The following ALMS1 variants were observed in gnomAD, a reference collection of about 807,000 sequenced individuals.
ALMS1 encodes the protein centrosome-associated protein ALMS1.
A neutral mutation model predicts 352.2 loss-of-function variants in ALMS1; 271 were observed. That is an observed-to-expected ratio of 0.77 (90% CI 0.70 to 0.85). The LOEUF is 0.85. ALMS1 is among the 40% of genes least tolerant of loss of function. ALMS1 has a pLI of 0.00. For missense variants in ALMS1, 5,445 were observed against 4,870.7 expected, an observed-to-expected ratio of 1.12 and a Z score of -3.51; for synonymous variants, 1,865 against 1,761.2, an observed-to-expected ratio of 1.06 and a Z score of -1.48.
At chr2:73,503,565 G>A (rs1673260384) in intron 10 of ALMS1, among the ~76,000 whole-genome samples, 1 of 152,112 alleles carries the variant, frequency 6.6e-6, no homozygotes, top group African/African-American at 2.4e-5. Context: ...ACATACGTGT[G>A]CATGTGTCTT....
intron 6 of ALMS1, among the ~76,000 whole-genome samples, chr2:73,430,459 T>G (rs1264179042): frequency 6.6e-6 from 1 of 152,240 alleles, no homozygotes; most frequent in Non-Finnish European, 1.5e-5. Flanking sequence ...ATAAAAATTT[T>G]TCTTTCTGTG....
intron 16 of ALMS1, among the ~76,000 whole-genome samples, chr2:73,583,040 G>GT (rs57476150): frequency 0.32 from 46,171 of 145,196 alleles, 8,754 homozygotes; most frequent in African/African-American, 0.55. Context: ...ACCAACACTT[G>GT]TTTTTTTTTT....
chr2:73,422,412 C>T (rs1034412345), intron 3 of ALMS1, among the ~76,000 whole-genome samples: 2 of 151,998 alleles, frequency 1.3e-5, no homozygotes, highest in Non-Finnish European at 2.9e-5. Flanking sequence ...GGCCCAGGAG[C>T]TCCTGTGCTA....
chr2:73,486,665 C>T lies in ALMS1; in HGVS notation c.7675-2969C>T, dbSNP rs182099932. On this transcript the variant is annotated intron_variant, in intron 9 of 22. Transcript: ENST00000613296. ...GGTCCCTAGATCTCTAGCTAATCTA[C>T]GTTCTTCTCTACATCTTTCAGATTC... Among the ~76,000 whole-genome samples the T allele has an allele frequency of 6.6e-5, 10 of 152,332 alleles. No individual in the cohort carries two copies. The East Asian group carries it at 1.2e-3, about 18-fold the overall frequency.
intron 14 of ALMS1, among the ~76,000 whole-genome samples, chr2:73,558,013 A>G (rs556553872): frequency 3.9e-5 from 6 of 152,166 alleles, no homozygotes; most frequent in Non-Finnish European, 8.8e-5. Context: ...ATCAGCCCAT[A>G]TTGCAACCAG....
chr2:73,522,132 A>G (rs1446555415), intron 11 of ALMS1, among the ~76,000 whole-genome samples: 1 of 152,284 alleles, frequency 6.6e-6, no homozygotes, highest in East Asian at 1.9e-4. Context: ...AGACTACTGC[A>G]TCCAAACAAA....
chr2:73,513,913 T>A (rs1180619329), intron 10 of ALMS1, among the ~76,000 whole-genome samples: 1 of 152,154 alleles, frequency 6.6e-6, no homozygotes, highest in Non-Finnish European at 1.5e-5. Flanking sequence ...TCTGGCCCGT[T>A]GTCACTCCAT....
rs1671238575 is a variant in ALMS1 at position 73,419,206 on chromosome 2, A to G, written c.534A>G (p.Arg178=). 1 of 1,613,954 alleles carries G rather than the reference A, an allele frequency of 6.2e-7. No individual in the cohort carries two copies. The highest frequency in any genetic ancestry group is 1.3e-5 in the African/African-American group (1 of 74,950). ...CATCCCAGACTAGGTTTAATGTGAG[A>G]ACGGAAGATACTGAAGTGACAGACT... The part of the protein sequence containing the change: ...LDTSQTRFNV[R]TEDTEVTDFP... Residue 178 remains arginine, a synonymous_variant, in exon 3 of 23, where the codon AGA becomes AGG. Coordinates refer to ENST00000613296, the MANE Select transcript of ALMS1 (RefSeq NM_001378454.1).
Position 73,489,866 on chromosome 2 carries a change from A to C in ALMS1, c.7907A>C (p.Asn2636Thr), listed in dbSNP as rs764596843. Reference sequence around the variant, plus strand: ...AACCTTTCTGCATCCTTAGACCAGAACAACTCCCATTTCAAAGTTTGGAAT... The same window carrying C: ...AACCTTTCTGCATCCTTAGACCAGACCAACTCCCATTTCAAAGTTTGGAAT... ...HVNLSASLDQ[N>T]NSHFKVWNSL... The change falls in exon 10 of 23, where the codon AAC becomes ACC. Residue 2636 changes from asparagine (N) to threonine (T), a missense_variant. Asn to Thr is a moderately conservative substitution (Grantham distance 65, BLOSUM62 0). Transcript: ENST00000613296. 30 of 1,614,196 alleles carry C rather than the reference A, an allele frequency of 1.9e-5. No homozygotes were observed. The highest frequency in any genetic ancestry group is 2.4e-5 in the Non-Finnish European group (28 of 1,180,014).
At position 73,600,726 on chromosome 2, in the gene ALMS1, G is replaced by A. The variant is rs1418434443; in HGVS notation, c.11717G>A (p.Gly3906Glu). ...GCCAAAAAACACACTCGAGATGTTG[G>A]GATAACTTTCCCAACTCCAAGTTCC... ...NGAKKHTRDV[G>E]ITFPTPSSSE... Residue 3906 changes from glycine (G) to glutamate (E), a missense_variant, in exon 18 of 23, where the codon GGG becomes GAG. Transcript: ENST00000613296. 1.2e-6 allele frequency: 2 copies of A among 1,614,112 alleles called. No homozygotes were observed. The highest frequency in any genetic ancestry group is 1.7e-6 in the Non-Finnish European group (2 of 1,180,022).
Position 73,559,007 on chromosome 2 carries a change from C to G in ALMS1, c.10249C>G (p.Gln3417Glu), listed in dbSNP as rs1389713074. 1 of 1,613,936 alleles carries G rather than the reference C, an allele frequency of 6.2e-7. No homozygotes were observed. The highest frequency in any genetic ancestry group is 1.7e-5 in the Admixed American group (1 of 60,004). ...TGCTGCTGCTGCAGAGCACTCAGCT[C>G]AAGTAGGAGACCCAGAAATGAAGAA... The part of the protein sequence containing the change: ...SAAAAAEHSA[Q>E]VGDPEMKNLP... Residue 3417 changes from glutamine to glutamate, a missense_variant, in exon 15 of 23, where the codon CAA becomes GAA. By Grantham distance (29) the Gln-to-Glu change is conservative. Transcript: ENST00000613296.
At chr2:73,455,447 A>G (rs1672040353) in intron 9 of ALMS1, 152 bp downstream of exon 9, 1 of 957,536 alleles carries the variant, frequency 1.0e-6, no homozygotes, top group South Asian at 1.5e-5. Context: ...TCTGTTGCCC[A>G]GGCTGAAGTG....
chr2:73,560,687 A>G (rs536392154), intron 15 of ALMS1, among the ~76,000 whole-genome samples: 1 of 152,328 alleles, frequency 6.6e-6, no homozygotes, highest in African/African-American at 2.4e-5. Flanking sequence ...AATGGGAATT[A>G]TTTGTCAATA....
In ALMS1 at chr2:73,424,710, A is replaced by G. The variant is rs1467207143; in HGVS notation, c.1045A>G (p.Lys349Glu). ...YDDLCSYMSWKTRKDTQWPEN... is the reference protein window; with the variant it reads ...YDDLCSYMSWETRKDTQWPEN... ...TGATCTTTGTTCATATATGTCATGGAAGACACGAAAAGATACACAGTGGCC... is the reference window on the plus strand; with the variant it reads ...TGATCTTTGTTCATATATGTCATGGGAGACACGAAAAGATACACAGTGGCC... Residue 349 changes from lysine to glutamate, a missense_variant, in exon 5 of 23, where the codon AAG becomes GAG. By Grantham distance (56) the Lys-to-Glu change is moderately conservative. Transcript: ENST00000613296. 7 of 1,614,006 alleles carry G rather than the reference A, an allele frequency of 4.3e-6. No individual in the cohort carries two copies. Among genetic ancestry groups the G allele is most frequent in the Non-Finnish European group, 5.9e-6 (7 of 1,180,020 alleles).
At chr2:73,463,403 C>T (rs1306651639) in intron 9 of ALMS1, among the ~76,000 whole-genome samples, 31 of 149,954 alleles carry the variant, frequency 2.1e-4, no homozygotes, top group South Asian at 1.9e-3. Context: ...TTGAAACCAA[C>T]GAGAACAAAG....
intron 15 of ALMS1, among the ~76,000 whole-genome samples, chr2:73,566,341 A>G (rs771967577): frequency 1.3e-5 from 2 of 152,186 alleles, no homozygotes; most frequent in Non-Finnish European, 2.9e-5. Flanking sequence ...ACTTGAACAC[A>G]GGCACTGCAG....
At chr2:73,521,924 T>C (rs1312543758) in intron 11 of ALMS1, among the ~76,000 whole-genome samples, 1 of 152,090 alleles carries the variant, frequency 6.6e-6, no homozygotes, top group African/African-American at 2.4e-5. Flanking sequence ...ATGAGGTGTT[T>C]TTTTTTGTTT....
At position 73,453,758 on chromosome 2, in the gene ALMS1, A is replaced by AT. The variant is rs769840146; in HGVS notation, c.7232dup (p.Ser2413LysfsTer2). On this transcript the variant is annotated frameshift_variant, in exon 8 of 23. Transcript: ENST00000613296. LOFTEE classifies it high-confidence loss of function. ...AATTATTATCCCTATGATGACTGTC[A>AT]TAAAAAGTGATTCAAGTAGTGATGC... 6.2e-7 allele frequency: 1 copy of AT among 1,614,174 alleles called. No homozygotes were observed. The highest frequency in any genetic ancestry group is 8.5e-7 in the Non-Finnish European group (1 of 1,180,016).
intron 9 of ALMS1, among the ~76,000 whole-genome samples, chr2:73,481,954 T>G (rs1183944493): frequency 6.6e-6 from 1 of 152,070 alleles, no homozygotes; most frequent in Non-Finnish European, 1.5e-5. Context: ...CTGAAGTTGC[T>G]TATCAGCTTA....
Sources: gnomAD v4.1 joint callset for allele counts (sites outside exome capture counted in the v4.1 genomes callset) on GRCh38, gnomAD v4.1.1 for gene constraint, MANE v1.5 for transcripts, NCBI Gene and HGNC (gene_info 2026-07-23, HGNC 2026-07-21) for gene names.